The following PSMD11 variants were observed in gnomAD, a reference collection of about 807,000 sequenced individuals.
PSMD11 encodes proteasome 26S subunit, non-ATPase 11.
A neutral mutation model predicts 62.3 loss-of-function variants in PSMD11; 5 were observed. The observed-to-expected ratio is 0.08, with a 90% CI of 0.04 to 0.17. The LOEUF (loss-of-function observed/expected upper bound fraction) is 0.17. Ranked by LOEUF, PSMD11 falls within the 10% of genes least tolerant of loss-of-function variation. The probability of loss-of-function intolerance (pLI) is 1.00; values close to 1 mark genes in which losing one functional copy is unlikely to be tolerated. For synonymous variants in PSMD11, 191 were observed against 191.8 expected, an observed-to-expected ratio of 1.00 and a Z score of 0.03; for missense variants, 310 against 512.9, an observed-to-expected ratio of 0.60 and a Z score of 3.82.
chr17:32,448,204 C>T (rs1373605279), intron 2 of PSMD11, among the ~76,000 whole-genome samples: 1 of 151,842 alleles, frequency 6.6e-6, no homozygotes, highest in Non-Finnish European at 1.5e-5. Flanking sequence ...TTAAAGATAA[C>T]TAACTTATTA....
chr17:32,474,009 C>T, intron 7 of PSMD11, 64 bp downstream of exon 7: 4 of 1,579,374 alleles, frequency 2.5e-6, no homozygotes, highest in Non-Finnish European at 3.5e-6. Flanking sequence ...TTTGCCATGG[C>T]AGAGATGGCC....
At chr17:32,445,445 C>T (rs1233133582) in intron 1 of PSMD11, 1 of 152,176 alleles carries the variant, frequency 6.6e-6, no homozygotes, top group Non-Finnish European at 1.5e-5. Flanking sequence ...TTTCTTAACG[C>T]TGTAATAACG....
Position 32,454,521 on chromosome 17 carries a change from C to T in PSMD11, c.220C>T (p.Arg74Ter), listed in dbSNP as rs1455393384. The T allele has an allele frequency of 6.2e-7, 1 of 1,613,774 alleles. No homozygotes were observed. The highest frequency in any genetic ancestry group is 2.2e-5 in the East Asian group (1 of 44,890). Residue 74 changes from arginine (R) to a stop codon, truncating the protein, a stop_gained, in exon 3 of 14, where the codon CGA becomes TGA. Coordinates refer to ENST00000261712, the MANE Select transcript of PSMD11 (RefSeq NM_002815.4). LOFTEE classifies it high-confidence loss of function. ...AELGGLLKYV[R>*]PFLNSISKAK... is the part of the protein sequence containing the mutation. ...GCTTGGAGGACTCCTGAAGTATGTA[C>T]GACCCTTCTTGAATTCCATCAGCAA...
At chr17:32,446,023 G>A (rs1334952246) in intron 1 of PSMD11, 1 of 152,174 alleles carries the variant, frequency 6.6e-6, no homozygotes, top group Non-Finnish European at 1.5e-5. Flanking sequence ...TGTGTCTAGT[G>A]TCTAATATTT....
chr17:32,474,733 A>C (rs1908268014), intron 7 of PSMD11, 31 bp from the exon 8 acceptor site: 1 of 1,608,572 alleles, frequency 6.2e-7, no homozygotes, highest in African/African-American at 1.3e-5. Context: ...TAACATCTGC[A>C]GCAATTGACC....
chr17:32,454,738 A>G (rs1172722398), intron 3 of PSMD11, 119 bp downstream of exon 3: 2 of 1,080,168 alleles, frequency 1.9e-6, no homozygotes, highest in South Asian at 3.2e-5. Context: ...ACAGCGCAGG[A>G]CTTATCATGT....
At chr17:32,449,094 G>A (rs978930598) in intron 2 of PSMD11, among the ~76,000 whole-genome samples, 3 of 152,168 alleles carry the variant, frequency 2.0e-5, no homozygotes, top group Non-Finnish European at 2.9e-5. Flanking sequence ...AAAGCCAACT[G>A]AAGTGATGTG....
intron 3 of PSMD11, among the ~76,000 whole-genome samples, chr17:32,457,113 A>G (rs1907675262): frequency 6.6e-6 from 1 of 152,148 alleles, no homozygotes; most frequent in African/African-American, 2.4e-5. Context: ...ATATGTTGTC[A>G]TTGTTCATTG....
chr17:32,472,032 C>T (rs777390830), intron 6 of PSMD11, among the ~76,000 whole-genome samples: 2 of 152,020 alleles, frequency 1.3e-5, no homozygotes, highest in Non-Finnish European at 2.9e-5. Flanking sequence ...TGTGCCACCA[C>T]GCCTGGCTAA....
intron 2 of PSMD11, among the ~76,000 whole-genome samples, chr17:32,449,454 A>C (rs996246352): frequency 4.6e-5 from 7 of 152,170 alleles, no homozygotes; most frequent in African/African-American, 1.7e-4. Flanking sequence ...ACTTTCCTCC[A>C]GTGGCATGAA....
chr17:32,448,065 G>C (rs536268920), intron 2 of PSMD11, among the ~76,000 whole-genome samples: 52 of 152,036 alleles, frequency 3.4e-4, no homozygotes, highest in African/African-American at 1.2e-3. Context: ...ATTTTTAATA[G>C]AGACGAGGTT....
chr17:32,481,363 ACAGCAG>A lies in PSMD11; in HGVS notation c.*625_*630del. ...CACCACCACCACCACTGCAGCAACAACAGCAGCAGCAGCAGCAGCGCCTGCATAGCT... is the reference window on the plus strand; with the variant it reads ...CACCACCACCACCACTGCAGCAACAACAGCAGCAGCAGCGCCTGCATAGCT... On this transcript the variant is annotated 3_prime_UTR_variant, in exon 14 of 14. Coordinates refer to ENST00000261712, the MANE Select transcript of PSMD11 (RefSeq NM_002815.4). The A allele has an allele frequency of 2.5e-5, 4 of 161,962 alleles. No individual in the cohort carries two copies. The highest frequency in any genetic ancestry group is 6.5e-5 in the Admixed American group (1 of 15,494). 10.0% of individuals were successfully genotyped at this position (161,962 alleles called of 1,614,324 possible).
In PSMD11 at chr17:32,444,601, C is replaced by A. The variant is rs887995085; in HGVS notation, c.78C>A (p.Ile26=). 1.2e-6 allele frequency: 2 copies of A among 1,611,684 alleles called. No individual in the cohort carries two copies. The highest frequency in any genetic ancestry group is 1.7e-6 in the Non-Finnish European group (2 of 1,179,352). The change falls in exon 1 of 14, where the codon ATC becomes ATA. Residue 26 remains isoleucine (I), a synonymous_variant. Transcript: ENST00000261712. ...CCGACCGGGAGGCCTCCATCGACAT[C>A]CTCCACTCCATCGGTAAAGGTCGCC... ...LSTDREASID[I]LHSIVKRDIQ... is the part of the protein sequence containing the mutation.
intron 1 of PSMD11, among the ~76,000 whole-genome samples, chr17:32,446,599 G>A (rs921810958): frequency 1.3e-5 from 2 of 152,162 alleles, no homozygotes; most frequent in African/African-American, 4.8e-5. Context: ...AACAGATCTT[G>A]GCACCATAAG....
chr17:32,478,087 C>CTAGG (rs1453779128), intron 9 of PSMD11, among the ~76,000 whole-genome samples: 3 of 152,208 alleles, frequency 2.0e-5, no homozygotes, highest in Non-Finnish European at 4.4e-5. Context: ...GGGTGATGAT[C>CTAGG]TAGGCTTTCT....
intron 3 of PSMD11, among the ~76,000 whole-genome samples, chr17:32,462,564 C>A (rs553394170): frequency 6.6e-6 from 1 of 152,292 alleles, no homozygotes; most frequent in South Asian, 2.1e-4. Context: ...CTGGTGAATC[C>A]TCTGAATACT....
At chr17:32,466,660 C>T (rs1028681948) in intron 5 of PSMD11, among the ~76,000 whole-genome samples, 10 of 152,048 alleles carry the variant, frequency 6.6e-5, no homozygotes, top group African/African-American at 2.4e-4. Context: ...GGGTATATAC[C>T]TAGAAGTGGA....
intron 3 of PSMD11, among the ~76,000 whole-genome samples, chr17:32,459,448 G>A (rs1907758926): frequency 6.6e-6 from 1 of 151,982 alleles, no homozygotes; most frequent in Non-Finnish European, 1.5e-5. Context: ...ATGTTGCTCA[G>A]GCTGGTCTCA....
chr17:32,451,797 G>A (rs1002453272), intron 2 of PSMD11, among the ~76,000 whole-genome samples: 93 of 152,288 alleles, frequency 6.1e-4, no homozygotes, highest in African/African-American at 2.1e-3. Flanking sequence ...GGAGTGCAGT[G>A]GCACAACCTT....
Sources: allele counts gnomAD v4.1 joint callset (sites outside exome capture counted in the v4.1 genomes callset), GRCh38; gene constraint gnomAD v4.1.1; transcripts MANE v1.5; gene names NCBI Gene and HGNC (gene_info 2026-07-23, HGNC 2026-07-21).